SAP130: variants seen among roughly 807,000 people sequenced by gnomAD.
SAP130 encodes histone deacetylase complex subunit SAP130.
A neutral mutation model predicts 103.2 loss-of-function variants in SAP130; 16 were observed. The ratio of observed to expected loss-of-function variants is 0.16; its 90% CI spans 0.10 to 0.24. SAP130 has a LOEUF of 0.24. Among genes scored for constraint, SAP130 ranks in the 10% least tolerant of loss-of-function variants. The pLI, the probability that SAP130 is intolerant of heterozygous loss-of-function variation, is 1.00. For synonymous variants in SAP130, 477 were observed against 497.0 expected (o/e 0.96, Z 0.53); for missense variants, 990 against 1,359.7 (o/e 0.73, Z 4.28).
intron 15 of SAP130, among the ~76,000 whole-genome samples, chr2:127,964,648 C>CAA (rs1033840966): frequency 6.7e-6 from 1 of 149,598 alleles, no homozygotes; most frequent in African/African-American, 2.5e-5. Flanking sequence ...AGAAAACAAA[C>CAA]AAAAAAAAAT....
Position 127,976,998 on chromosome 2 carries a change from T to C in SAP130, c.2063+987A>G, listed in dbSNP as rs60552811. On this transcript the variant is annotated intron_variant, in intron 15 of 20. Transcript: ENST00000643581. Reference sequence around the variant, plus strand: ...CTTATCAGAACTATTATCTTGATCATAGAGGAAGTCTACAGGAAAAAACAA... The same window carrying C: ...CTTATCAGAACTATTATCTTGATCACAGAGGAAGTCTACAGGAAAAAACAA... Among the ~76,000 whole-genome samples the C allele has an allele frequency of 6.1e-3, 926 of 152,188 alleles. 20 individuals are homozygous for C. The highest frequency in any genetic ancestry group is 0.019 in the African/African-American group (802 of 41,522).
intron 14 of SAP130, among the ~76,000 whole-genome samples, chr2:127,978,796 G>C (rs1370287866): frequency 6.6e-6 from 1 of 152,082 alleles, no homozygotes; most frequent in Non-Finnish European, 1.5e-5. Flanking sequence ...TCTGGTAAGA[G>C]ACTAATCACC....
At chr2:127,963,444 G>A (rs1046742807) in intron 15 of SAP130, among the ~76,000 whole-genome samples, 4 of 152,124 alleles carry the variant, frequency 2.6e-5, no homozygotes, top group Non-Finnish European at 5.9e-5. Flanking sequence ...TGCCCAAGCC[G>A]GTCTCGAACT....
At chr2:128,019,169 T>G (rs1379919804) in intron 2 of SAP130, among the ~76,000 whole-genome samples, 2 of 152,244 alleles carry the variant, frequency 1.3e-5, no homozygotes, top group South Asian at 2.1e-4. Flanking sequence ...TTTTCAAAAC[T>G]GAGGGACAGA....
intron 15 of SAP130, among the ~76,000 whole-genome samples, chr2:127,963,507 A>C (rs1680408989): frequency 6.6e-6 from 1 of 152,216 alleles, no homozygotes; most frequent in Non-Finnish European, 1.5e-5. Context: ...CTGGGATTAC[A>C]GGTGTCAGCC....
chr2:127,991,766 G>A (rs997014360), intron 12 of SAP130, among the ~76,000 whole-genome samples: 7 of 152,086 alleles, frequency 4.6e-5, no homozygotes, highest in Non-Finnish European at 7.4e-5. Context: ...ATTTCATAAA[G>A]CCTACAACTG....
intron 15 of SAP130, among the ~76,000 whole-genome samples, chr2:127,958,650 GA>G (rs1680016284): frequency 7.8e-6 from 1 of 128,144 alleles, no homozygotes; most frequent in Non-Finnish European, 1.7e-5. Flanking sequence ...GAGAGAGAGA[GA>G]GAGAGAGAGA....
At chr2:127,993,122 A>C in intron 12 of SAP130, 65 bp downstream of exon 12, 1 of 1,576,908 alleles carries the variant, frequency 6.3e-7, no homozygotes, top group Admixed American at 1.7e-5. Context: ...ACCCCTCATC[A>C]ATTTCTACAT....
intron 15 of SAP130, among the ~76,000 whole-genome samples, chr2:127,964,179 G>A (rs1363337861): frequency 5.9e-5 from 9 of 152,034 alleles, no homozygotes; most frequent in Admixed American, 3.9e-4. Context: ...TGGATGACAC[G>A]GTGAGACCCT....
intron 15 of SAP130, among the ~76,000 whole-genome samples, chr2:127,956,783 C>T (rs143383318): frequency 0.011 from 1,677 of 151,482 alleles, 24 homozygotes; most frequent in Middle Eastern, 0.039. Context: ...GACACTATCT[C>T]CAAGTGTCAT....
chr2:127,984,913 G>C (rs1468232513), intron 14 of SAP130, among the ~76,000 whole-genome samples: 1 of 152,180 alleles, frequency 6.6e-6, no homozygotes, highest in Non-Finnish European at 1.5e-5. Context: ...AAACTCAAAG[G>C]TTTTAACTTA....
At chr2:127,961,584 T>C (rs554293966) in intron 15 of SAP130, among the ~76,000 whole-genome samples, 1 of 151,132 alleles carries the variant, frequency 6.6e-6, no homozygotes, top group Admixed American at 6.6e-5. Flanking sequence ...ATTTACCCAG[T>C]CCCCTATTTG....
intron 12 of SAP130, 74 bp downstream of exon 12, chr2:127,993,113 C>A: frequency 1.3e-6 from 2 of 1,527,780 alleles, no homozygotes; most frequent in South Asian, 2.3e-5. Flanking sequence ...CAAAAAATAA[C>A]CCCTCATCAA....
intron 19 of SAP130, among the ~76,000 whole-genome samples, chr2:127,945,199 T>G (rs543810632): frequency 1.3e-5 from 2 of 152,342 alleles, no homozygotes; most frequent in African/African-American, 4.8e-5. Flanking sequence ...CACATAACAC[T>G]GAATCTTAAA....
intron 15 of SAP130, among the ~76,000 whole-genome samples, chr2:127,968,117 T>A (rs1680796234): frequency 6.6e-6 from 1 of 151,998 alleles, no homozygotes; most frequent in Non-Finnish European, 1.5e-5. Context: ...GCATTTTTTT[T>A]TTTTTTTTTA....
At chr2:128,009,964 G>A (rs1317294347) in intron 7 of SAP130, among the ~76,000 whole-genome samples, 3 of 152,048 alleles carry the variant, frequency 2.0e-5, no homozygotes, top group Non-Finnish European at 1.5e-5. Context: ...ACATGAAACT[G>A]TAAGTCCCCT....
In SAP130 at chr2:127,942,414, G is replaced by C. The variant is rs377019047; in HGVS notation, c.3015+10C>G. ...AGTAGATGATCAGAAGGGAAGGGGC[G>C]CACTCAAACCTGTATCAGTTCGTTT... On this transcript the variant is annotated intron_variant, in intron 20 of 20. Transcript: ENST00000643581. This position sits in a 1 kb window ranked among gnomAD's most constrained non-coding sequence, Gnocchi z 4.8. The C allele has an allele frequency of 3.8e-6, 6 of 1,567,302 alleles. 1 individual carries two copies. The African/African-American group carries it at 4.1e-5, about 11-fold the overall frequency.
intron 15 of SAP130, among the ~76,000 whole-genome samples, chr2:127,957,575 G>A (rs1679932244): frequency 6.6e-6 from 1 of 151,900 alleles, no homozygotes; most frequent in Admixed American, 6.6e-5. Context: ...TCTGGAGGCT[G>A]AAGAGCAGGA....
rs372100431 is a variant in SAP130 at position 127,980,800 on chromosome 2, G to A, written c.1959-2711C>T. Among the ~76,000 whole-genome samples, 9 of 152,034 alleles carry A rather than the reference G, an allele frequency of 5.9e-5. No individual in the cohort carries two copies. The East Asian group carries it at 9.7e-4, about 16-fold the overall frequency. The stretch of plus-strand genomic sequence containing the variant: ...CTCTACTAAAAATACAAAAACTGAG[G>A]TGGGAGGATCACCTGAGCCTGGGGA... On this transcript the variant is annotated intron_variant, in intron 14 of 20. Transcript: ENST00000643581.
Sources: gnomAD v4.1 joint callset for allele counts (sites outside exome capture counted in the v4.1 genomes callset) on GRCh38, gnomAD v4.1.1 for gene constraint, Gnocchi (gnomAD v3.1) non-coding constraint, MANE v1.5 for transcripts, NCBI Gene and HGNC (gene_info 2026-07-23, HGNC 2026-07-21) for gene names.